PHLDB2: variants seen among roughly 807,000 people sequenced by gnomAD.
The protein encoded by PHLDB2 is pleckstrin homology-like domain family B member 2.
In PHLDB2, 71 loss-of-function variants were observed where a neutral mutation model predicts 123.6. The observed-to-expected ratio is 0.57, with a 90% CI of 0.47 to 0.70. The LOEUF (loss-of-function observed/expected upper bound fraction) is 0.70. PHLDB2 is among the 30% of genes least tolerant of loss of function. PHLDB2 has a pLI of 0.00. For synonymous variants in PHLDB2, 547 were observed against 541.6 expected, an observed-to-expected ratio of 1.01 and a Z score of -0.14; for missense variants, 1,446 against 1,519.5, an observed-to-expected ratio of 0.95 and a Z score of 0.80.
intron 1 of PHLDB2, among the ~76,000 whole-genome samples, chr3:111,810,762 A>G (rs76236490): frequency 0.029 from 4,383 of 152,282 alleles, 83 homozygotes; most frequent in South Asian, 0.064. Context: ...CTTCAAAGCA[A>G]CACATTTTTA....
chr3:111,844,451 C>T (rs2063847917), intron 1 of PHLDB2, among the ~76,000 whole-genome samples: 1 of 152,176 alleles, frequency 6.6e-6, no homozygotes, highest in African/African-American at 2.4e-5. Flanking sequence ...CCAAATCAAA[C>T]TCTCTCTCCC....
chr3:111,950,961 G>A (rs1039086868), intron 10 of PHLDB2, among the ~76,000 whole-genome samples: 4 of 152,126 alleles, frequency 2.6e-5, no homozygotes, highest in African/African-American at 9.7e-5. Context: ...ATCTCTAGTA[G>A]CAAAACAATC....
chr3:111,810,082 T>C (rs1315026088), intron 1 of PHLDB2, among the ~76,000 whole-genome samples: 1 of 152,090 alleles, frequency 6.6e-6, no homozygotes, highest in African/African-American at 2.4e-5. Context: ...TGGTTAACAA[T>C]CCTAAGGAAA....
At chr3:111,925,319 A>G (rs1200982618) in intron 5 of PHLDB2, among the ~76,000 whole-genome samples, 1 of 152,144 alleles carries the variant, frequency 6.6e-6, no homozygotes, top group Non-Finnish European at 1.5e-5. Flanking sequence ...TCTACTGTGT[A>G]TTTATTGAAC....
intron 1 of PHLDB2, among the ~76,000 whole-genome samples, chr3:111,870,679 G>C (rs1175821668): frequency 6.6e-6 from 1 of 151,866 alleles, no homozygotes; most frequent in Non-Finnish European, 1.5e-5. Flanking sequence ...GGCCCCATCT[G>C]CTGCCATTGG....
chr3:111,799,874 G>A (rs144386669), intron 1 of PHLDB2, among the ~76,000 whole-genome samples: 223 of 152,304 alleles, frequency 1.5e-3, no homozygotes, highest in African/African-American at 5.1e-3. Context: ...ACCAATATGG[G>A]AGGAGGTCTA....
intron 1 of PHLDB2, among the ~76,000 whole-genome samples, chr3:111,880,339 T>G (rs1344549680): frequency 6.6e-6 from 1 of 152,128 alleles, no homozygotes; most frequent in Non-Finnish European, 1.5e-5. Flanking sequence ...CTCTGATGCC[T>G]TTGGTGTTGG....
At chr3:111,965,890 C>T (rs1453651027) in intron 13 of PHLDB2, among the ~76,000 whole-genome samples, 3 of 152,150 alleles carry the variant, frequency 2.0e-5, no homozygotes, top group Non-Finnish European at 4.4e-5. Flanking sequence ...GTTCTTGCAC[C>T]TTTCACTCCC....
chr3:111,775,318 A>T (rs543836698), intron 1 of PHLDB2, among the ~76,000 whole-genome samples: 1 of 152,260 alleles, frequency 6.6e-6, no homozygotes, highest in East Asian at 1.9e-4. Context: ...TAATCTATTC[A>T]GTTGAGATTA....
At chr3:111,854,904 G>A (rs576500815), upstream of PHLDB2, among the ~76,000 whole-genome samples, 1 of 152,326 alleles carries the variant, frequency 6.6e-6, no homozygotes, top group African/African-American at 2.4e-5. Context: ...GAATGTGTAG[G>A]AGAATTGAAG....
At chr3:111,941,369 A>G (rs1367156754) in intron 8 of PHLDB2, among the ~76,000 whole-genome samples, 2 of 152,242 alleles carry the variant, frequency 1.3e-5, no homozygotes, top group African/African-American at 4.8e-5. Flanking sequence ...ATGCCACTGC[A>G]TTAGCAATAT....
At chr3:111,969,621 C>T (rs2072038630) in intron 15 of PHLDB2, 69 bp from the exon 16 acceptor site, 3 of 1,294,410 alleles carry the variant, frequency 2.3e-6, no homozygotes, top group Non-Finnish European at 2.2e-6. Flanking sequence ...ATTTCTGCTT[C>T]TAAACATCTG....
chr3:111,860,121 T>C (rs906042752), intron 1 of PHLDB2, among the ~76,000 whole-genome samples: 24 of 151,612 alleles, frequency 1.6e-4, no homozygotes, highest in Non-Finnish European at 5.9e-5. Context: ...GTGGGGGAAC[T>C]GGGGGCAACT....
In PHLDB2 at chr3:111,919,135, A is replaced by G. The variant is rs1432403999; in HGVS notation, c.1783A>G (p.Ile595Val). ...QELAAMEETRIVILNNLEELK... is the reference protein window; with the variant it reads ...QELAAMEETRVVILNNLEELK... ...GTTGGCTGCAATGGAAGAAACCCGGATAGTCATTCTGAACAACCTCGAGGA... is the reference window on the plus strand; with the variant it reads ...GTTGGCTGCAATGGAAGAAACCCGGGTAGTCATTCTGAACAACCTCGAGGA... Residue 595 changes from isoleucine (I) to valine (V), a missense_variant, in exon 4 of 18, where the codon ATA (isoleucine) becomes GTA (valine). Ile to Val is a conservative substitution (Grantham distance 29). Transcript: ENST00000431670. 1.2e-6 allele frequency: 2 copies of G among 1,614,028 alleles called. No homozygotes were observed. Among genetic ancestry groups the G allele is most frequent in the African/African-American group, 1.3e-5 (1 of 75,048 alleles).
At chr3:111,831,013 G>GAAAAGAAAGA (rs1418840967) in intron 1 of PHLDB2, among the ~76,000 whole-genome samples, 1 of 102,082 alleles carries the variant, frequency 9.8e-6, no homozygotes, top group Non-Finnish European at 1.9e-5. Flanking sequence ...AAGAAAGAAA[G>GAAAAGAAAGA]AAAGAAAGAA....
chr3:111,962,098 C>G lies in PHLDB2; in HGVS notation c.2873-10C>G, dbSNP rs370132265. On this transcript the variant is annotated splice_polypyrimidine_tract_variant and intron_variant, in intron 12 of 17. Transcript: ENST00000431670. Reference sequence around the variant, plus strand: ...GAGGCAAACTAACATATTTATGGCTCCTTCCTTAGGTTATAATCACCAACA... The same window carrying G: ...GAGGCAAACTAACATATTTATGGCTGCTTCCTTAGGTTATAATCACCAACA... The G allele has an allele frequency of 2.8e-5, 44 of 1,573,496 alleles. No individual in the cohort carries two copies. In the African/African-American group the frequency reaches 5.7e-4, roughly 20 times the overall value.
At chr3:111,919,769 G>A (rs184746242) in intron 4 of PHLDB2, among the ~76,000 whole-genome samples, 1 of 152,316 alleles carries the variant, frequency 6.6e-6, no homozygotes, top group African/African-American at 2.4e-5. Context: ...TCTGCCTAGG[G>A]AAGATCTGTG....
intron 12 of PHLDB2, among the ~76,000 whole-genome samples, chr3:111,961,670 A>G (rs996993453): frequency 2.6e-5 from 4 of 152,190 alleles, no homozygotes; most frequent in Non-Finnish European, 5.9e-5. Context: ...CTTTTTTATG[A>G]CCAGACTGAG....
In PHLDB2 at chr3:111,913,560, G is replaced by A; in HGVS notation, c.1577G>A (p.Ser526Asn). The A allele has an allele frequency of 6.2e-7, 1 of 1,614,136 alleles. No individual in the cohort carries two copies. Among genetic ancestry groups the A allele is most frequent in the Non-Finnish European group, 8.5e-7 (1 of 1,180,024 alleles). ...DADLASCGSL[S>N]QSSASFFTPR... Reference sequence around the variant, plus strand: ...GACTTGGCAAGCTGTGGGAGTCTCAGTCAGAGCAGTGCCAGCTTCTTTACC... The same window carrying A: ...GACTTGGCAAGCTGTGGGAGTCTCAATCAGAGCAGTGCCAGCTTCTTTACC... The change falls in exon 3 of 18, where the codon AGT (serine) becomes AAT (asparagine). Residue 526 changes from serine to asparagine, a missense_variant. Physicochemically the swap from Ser to Asn is conservative, Grantham distance 46. Transcript: ENST00000431670.
Sources: gnomAD v4.1 joint callset for allele counts (sites outside exome capture counted in the v4.1 genomes callset) on GRCh38, gnomAD v4.1.1 for gene constraint, MANE v1.5 for transcripts, NCBI Gene and HGNC (gene_info 2026-07-23, HGNC 2026-07-21) for gene names.